The following STEAP1B variants were observed in gnomAD, a reference collection of about 807,000 sequenced individuals.
STEAP1B encodes the protein STEAP family protein MGC87042.
Under a neutral mutation model 27.9 loss-of-function variants are expected in STEAP1B, and 13 were observed. The ratio of observed to expected loss-of-function variants is 0.47; its 90% CI spans 0.30 to 0.74. The LOEUF (loss-of-function observed/expected upper bound fraction) is 0.74, where lower values mean the gene tolerates loss of function less well. Among genes scored for constraint, STEAP1B ranks in the 30% least tolerant of loss-of-function variants. The pLI is 0.06. For missense variants in STEAP1B, 250 were observed against 298.7 expected, an observed-to-expected ratio of 0.84 and a Z score of 1.20; for synonymous variants, 86 against 107.1, an observed-to-expected ratio of 0.80 and a Z score of 1.22.
At chr7:22,451,000 GC>G (rs1026682641) in intron 4 of STEAP1B, among the ~76,000 whole-genome samples, 1 of 152,086 alleles carries the variant, frequency 6.6e-6, no homozygotes, top group African/African-American at 2.4e-5. Flanking sequence ...TTCAAGACCA[GC>G]CTGGCTAACA....
At chr7:22,485,408 T>C (rs542197192) in intron 4 of STEAP1B, among the ~76,000 whole-genome samples, 1 of 152,222 alleles carries the variant, frequency 6.6e-6, no homozygotes, top group Non-Finnish European at 1.5e-5. Flanking sequence ...TTTTTAGCAA[T>C]AAAGTATTTT....
chr7:22,442,267 C>G (rs1437725561), intron 4 of STEAP1B, among the ~76,000 whole-genome samples: 1 of 152,234 alleles, frequency 6.6e-6, no homozygotes, highest in Non-Finnish European at 1.5e-5. Flanking sequence ...CAGCAGTTTT[C>G]AAGGGAAAGT....
At chr7:22,464,193 A>C (rs891973451) in intron 4 of STEAP1B, among the ~76,000 whole-genome samples, 1 of 152,202 alleles carries the variant, frequency 6.6e-6, no homozygotes, top group Non-Finnish European at 1.5e-5. Flanking sequence ...ATTTAGAACA[A>C]TGTGTTCGCA....
intron 4 of STEAP1B, among the ~76,000 whole-genome samples, chr7:22,437,092 A>T (rs962394371): frequency 1.3e-5 from 2 of 152,246 alleles, no homozygotes; most frequent in Non-Finnish European, 2.9e-5. Context: ...AAATTTTTGC[A>T]AACTGTATAG....
intron 4 of STEAP1B, among the ~76,000 whole-genome samples, chr7:22,479,645 G>A (rs1045895670): frequency 1.9e-4 from 28 of 145,968 alleles, no homozygotes; most frequent in African/African-American, 2.8e-4. Context: ...CTAGAGTGGC[G>A]TTGTGCAAGA....
Position 22,419,747 on chromosome 7 carries a change from C to A in STEAP1B, c.*57G>T. The A allele has an allele frequency of 1.3e-6, 2 of 1,537,998 alleles. No homozygotes were observed. The highest frequency in any genetic ancestry group is 1.2e-5 in the South Asian group (1 of 81,578). On this transcript the variant is annotated 3_prime_UTR_variant, in exon 5 of 5. Coordinates refer to ENST00000678116, the MANE Select transcript of STEAP1B (RefSeq NM_001382447.1). The stretch of plus-strand genomic sequence containing the variant: ...TGGGTGGTGTTCTGCATGAGCAATC[C>A]AATGCTGTGCTCCAAAGCCTCGTTC...
intron 4 of STEAP1B, among the ~76,000 whole-genome samples, chr7:22,458,463 T>G (rs895660390): frequency 6.6e-6 from 1 of 152,176 alleles, no homozygotes; most frequent in Non-Finnish European, 1.5e-5. Flanking sequence ...ATCCAACACA[T>G]TTTTTCCCAT....
Position 22,441,777 on chromosome 7 carries a change from G to A in STEAP1B, c.763-21941C>T, listed in dbSNP as rs535075769. Among the ~76,000 whole-genome samples the A allele has an allele frequency of 9.2e-4, 140 of 152,316 alleles. 1 individual carries two copies. Among genetic ancestry groups the A allele is most frequent in the African/African-American group, 3.1e-3 (130 of 41,564 alleles). On this transcript the variant is annotated intron_variant, in intron 4 of 4. Transcript: ENST00000678116. ...GTTTTTTAGTAATCTATAACCAGAC[G>A]TACTCTTACACCCCAACTGTGATGT... is the stretch of plus-strand genomic sequence containing the variant.
At chr7:22,491,983 T>A (rs539635818) in intron 4 of STEAP1B, among the ~76,000 whole-genome samples, 35 of 152,226 alleles carry the variant, frequency 2.3e-4, no homozygotes, top group African/African-American at 8.4e-4. Flanking sequence ...ATCCCCTCTT[T>A]TCTGATTCAG....
chr7:22,449,015 G>T (rs1438150792), intron 4 of STEAP1B, among the ~76,000 whole-genome samples: 1 of 152,090 alleles, frequency 6.6e-6, no homozygotes, highest in African/African-American at 2.4e-5. Flanking sequence ...TAATTTAGGG[G>T]TATATAGTAG....
chr7:22,467,645 A>G (rs950528151), intron 4 of STEAP1B, among the ~76,000 whole-genome samples: 1 of 152,086 alleles, frequency 6.6e-6, no homozygotes, highest in South Asian at 2.1e-4. Flanking sequence ...TTATAAGGGG[A>G]AACCCCTTTT....
At chr7:22,471,752 A>C (rs933236567) in intron 4 of STEAP1B, among the ~76,000 whole-genome samples, 4 of 152,120 alleles carry the variant, frequency 2.6e-5, no homozygotes, top group African/African-American at 7.2e-5. Flanking sequence ...ATATTTTAAA[A>C]GTTAGCCAGA....
chr7:22,481,566 G>A (rs1286286370), intron 4 of STEAP1B, among the ~76,000 whole-genome samples: 6 of 152,210 alleles, frequency 3.9e-5, no homozygotes, highest in Non-Finnish European at 7.3e-5. Context: ...GTCAGAACCT[G>A]TATTTTAACA....
At chr7:22,465,364 A>G (rs1463420579) in intron 4 of STEAP1B, among the ~76,000 whole-genome samples, 2 of 152,186 alleles carry the variant, frequency 1.3e-5, no homozygotes, top group East Asian at 3.9e-4. Context: ...GGACTAATGT[A>G]CGGATTTTTT....
intron 4 of STEAP1B, among the ~76,000 whole-genome samples, chr7:22,439,155 T>G (rs1449907765): frequency 3.3e-5 from 5 of 152,020 alleles, no homozygotes; most frequent in Middle Eastern, 3.2e-3. Context: ...ACATCAGAAC[T>G]GTTTTAAGAA....
chr7:22,439,170 G>A (rs950010696), intron 4 of STEAP1B, among the ~76,000 whole-genome samples: 1 of 151,364 alleles, frequency 6.6e-6, no homozygotes, highest in East Asian at 1.9e-4. Flanking sequence ...TAAGAATGCC[G>A]TGCCCCTAAA....
chr7:22,449,281 T>G (rs1421136028), intron 4 of STEAP1B, among the ~76,000 whole-genome samples: 1 of 152,198 alleles, frequency 6.6e-6, no homozygotes, highest in Non-Finnish European at 1.5e-5. Flanking sequence ...CACCCCCTGA[T>G]CTCCATCCCA....
chr7:22,452,761 A>T (rs1375077159), intron 4 of STEAP1B, among the ~76,000 whole-genome samples: 1 of 152,112 alleles, frequency 6.6e-6, no homozygotes, highest in Non-Finnish European at 1.5e-5. Context: ...TGAGAATCTT[A>T]CCCCAAGCTC....
chr7:22,483,798 G>A (rs952110710), intron 4 of STEAP1B, among the ~76,000 whole-genome samples: 14 of 152,170 alleles, frequency 9.2e-5, no homozygotes, highest in African/African-American at 3.1e-4. Context: ...AGAGAGACAC[G>A]AAATGGCTGG....
Sources: gnomAD v4.1 joint callset for allele counts (sites outside exome capture counted in the v4.1 genomes callset) on GRCh38, gnomAD v4.1.1 for gene constraint, MANE v1.5 for transcripts, NCBI Gene and HGNC (gene_info 2026-07-23, HGNC 2026-07-21) for gene names.